The following LBP variants were observed in gnomAD, a reference collection of about 807,000 sequenced individuals.
LBP encodes the protein lipopolysaccharide-binding protein.
LBP carries 53 observed loss-of-function variants against 56.6 expected under a neutral mutation model. That is an observed-to-expected ratio of 0.94 (90% confidence interval 0.75 to 1.18). The LOEUF (loss-of-function observed/expected upper bound fraction) is 1.18. Among genes scored for constraint, LBP ranks in the 50% most tolerant of loss-of-function variants. LBP has a pLI of 0.00. For missense variants in LBP, 601 were observed against 598.3 expected, an observed-to-expected ratio of 1.00 and a Z score of -0.05; for synonymous variants, 227 against 247.5, an observed-to-expected ratio of 0.92 and a Z score of 0.78.
At chr20:38,359,619 CAAT>C (rs921646507) in intron 5 of LBP, among the ~76,000 whole-genome samples, 16 of 152,036 alleles carry the variant, frequency 1.1e-4, no homozygotes, top group African/African-American at 3.1e-4. Flanking sequence ...ACTCTTTTCT[CAAT>C]GATATTGCAT....
chr20:38,350,890 G>T lies in LBP; in HGVS notation c.319G>T (p.Asp107Tyr), dbSNP rs575135477. The change falls in exon 3 of 15, where the codon GAC becomes TAC. Residue 107 changes from aspartate (D) to tyrosine (Y), a missense_variant. Transcript: ENST00000217407. ...PGQGLSLSIS[D>Y]SSIRVQGRWK... The stretch of plus-strand genomic sequence containing the variant: ...CCAGGGCCTGAGTCTCAGCATCTCC[G>T]ACTCCTCCATCCGGGTCCAGGGCAG... The T allele has an allele frequency of 3.7e-6, 6 of 1,614,040 alleles. No individual in the cohort carries two copies. The highest frequency in any genetic ancestry group is 5.1e-6 in the Non-Finnish European group (6 of 1,179,946).
Position 38,366,753 on chromosome 20 carries a change from T to C in LBP, c.922-16T>C. The C allele has an allele frequency of 6.2e-7, 1 of 1,613,826 alleles. No individual in the cohort carries two copies. Among genetic ancestry groups the C allele is most frequent in the Non-Finnish European group, 8.5e-7 (1 of 1,179,826 alleles). Reference sequence around the variant, plus strand: ...GCGGGAGCACCCTAAAACTTCTTCATGTCTCTTTGCTGCAGATACCGCCTG... The same window carrying C: ...GCGGGAGCACCCTAAAACTTCTTCACGTCTCTTTGCTGCAGATACCGCCTG... On this transcript the variant is annotated splice_polypyrimidine_tract_variant and intron_variant, in intron 8 of 14. Coordinates refer to ENST00000217407, the MANE Select transcript of LBP (RefSeq NM_004139.5).
intron 9 of LBP, among the ~76,000 whole-genome samples, chr20:38,368,369 G>A (rs1440950215): frequency 6.6e-6 from 1 of 152,176 alleles, no homozygotes; most frequent in Admixed American, 6.5e-5. Context: ...GGAGGCTGAG[G>A]CGGGCAGATC....
chr20:38,348,135 C>A (rs1227490543), intron 1 of LBP, among the ~76,000 whole-genome samples: 1 of 152,146 alleles, frequency 6.6e-6, no homozygotes, highest in Non-Finnish European at 1.5e-5. Context: ...ATCTGTGTAC[C>A]CATGTCTGCC....
chr20:38,361,544 A>G (rs561743665), intron 6 of LBP, among the ~76,000 whole-genome samples: 3 of 151,966 alleles, frequency 2.0e-5, no homozygotes, highest in South Asian at 2.1e-4. Flanking sequence ...AGCTGGGACT[A>G]CAGGTGCATG....
intron 13 of LBP, 45 bp downstream of exon 13, chr20:38,373,180 T>C: frequency 6.6e-7 from 1 of 1,519,130 alleles, no homozygotes; most frequent in Non-Finnish European, 9.1e-7. Flanking sequence ...TGAACACTGC[T>C]GTCTGGAGGA....
rs1366942363 is a variant in LBP, at chr20:38,362,203, C to T, written c.652+1436C>T. Among the ~76,000 whole-genome samples the T allele has an allele frequency of 4.0e-5, 6 of 150,880 alleles. No individual in the cohort carries two copies. In the South Asian group the frequency reaches 6.3e-4, roughly 16 times the overall value. On this transcript the variant is annotated intron_variant, in intron 6 of 14. Coordinates refer to ENST00000217407, the MANE Select transcript of LBP (RefSeq NM_004139.5). ...CCTCGCGAGTAGCTGGGACTACAGG[C>T]GCCCGCCACCACGTCTGGCTAATTT...
intron 13 of LBP, 50 bp downstream of exon 13, chr20:38,373,185 G>T (rs1379323538): frequency 6.6e-7 from 1 of 1,504,062 alleles, no homozygotes; most frequent in African/African-American, 1.4e-5. Context: ...ACTGCTGTCT[G>T]GAGGAAAGAG....
chr20:38,356,980 C>G lies in LBP; in HGVS notation c.588+1571C>G, dbSNP rs150619238. ...AAGCAATTCTTCTGCCTCAGCCTCC[C>G]GAGTATATGAGACCACAGGCACGTG... On this transcript the variant is annotated intron_variant, in intron 5 of 14. Coordinates refer to ENST00000217407, the MANE Select transcript of LBP (RefSeq NM_004139.5). Among the ~76,000 whole-genome samples, 34 of 152,206 alleles carry G rather than the reference C, an allele frequency of 2.2e-4. No homozygotes were observed. In the South Asian group the frequency reaches 4.8e-3, roughly 21 times the overall value.
chr20:38,364,453 A>T (rs2076873393), intron 7 of LBP, 123 bp from the exon 8 acceptor site: 1 of 895,928 alleles, frequency 1.1e-6, no homozygotes, highest in Non-Finnish European at 1.8e-6. Flanking sequence ...CACTGCCTTT[A>T]ATGGTGGAGT....
intron 3 of LBP, among the ~76,000 whole-genome samples, chr20:38,353,528 A>G (rs941798910): frequency 2.6e-4 from 30 of 113,834 alleles, no homozygotes; most frequent in Admixed American, 1.4e-4. Context: ...ATGATGCTTC[A>G]GTGAGCTGCC....
At chr20:38,348,289 T>C (rs1220021868) in intron 1 of LBP, among the ~76,000 whole-genome samples, 1 of 152,042 alleles carries the variant, frequency 6.6e-6, no homozygotes, top group Admixed American at 6.6e-5. Context: ...ACCAGTCCTC[T>C]GAGGTTGGAC....
At chr20:38,368,906 A>G in intron 9 of LBP, 89 bp from the exon 10 acceptor site, 1 of 1,354,634 alleles carries the variant, frequency 7.4e-7, no homozygotes, top group Non-Finnish European at 1.0e-6. Context: ...ATCGAAAGCA[A>G]CTTCCAGCTT....
chr20:38,375,565 A>AG (rs1568837868), intron 14 of LBP, among the ~76,000 whole-genome samples: 1 of 152,248 alleles, frequency 6.6e-6, no homozygotes, highest in Admixed American at 6.5e-5. Context: ...TGGGCGACAG[A>AG]GCAAGACTCC....
intron 14 of LBP, 64 bp from the exon 15 acceptor site, chr20:38,376,561 G>A (rs1002933330): frequency 2.1e-5 from 31 of 1,451,424 alleles, no homozygotes; most frequent in Admixed American, 3.4e-5. Context: ...CCTTTCAATC[G>A]CAGATGCATC....
At chr20:38,366,452 G>T (rs189426183) in intron 8 of LBP, among the ~76,000 whole-genome samples, 1 of 152,292 alleles carries the variant, frequency 6.6e-6, no homozygotes, top group African/African-American at 2.4e-5. Flanking sequence ...GGAAGTTGAG[G>T]TTCAGGGAGA....
At chr20:38,361,859 C>T (rs769977468) in intron 6 of LBP, among the ~76,000 whole-genome samples, 4 of 151,826 alleles carry the variant, frequency 2.6e-5, no homozygotes, top group Non-Finnish European at 5.9e-5. Context: ...GTGTCCCCCT[C>T]GGTCACTGCC....
chr20:38,364,704 G>T lies in LBP; in HGVS notation c.873G>T (p.Leu291=). The part of the protein sequence containing the change: ...ISDYVFNTAS[L]VYHEEGYLNF... ...ATTATGTCTTCAACACGGCCAGCCT[G>T]GTTTATCATGAGGAAGGATATCTGA... The change falls in exon 8 of 15, where the codon CTG becomes CTT. Residue 291 remains leucine (L), a synonymous_variant. Transcript: ENST00000217407. 6.2e-7 allele frequency: 1 copy of T among 1,613,874 alleles called. No individual in the cohort carries two copies. Among genetic ancestry groups the T allele is most frequent in the East Asian group, 2.2e-5 (1 of 44,870 alleles).
Position 38,371,371 on chromosome 20 carries a change from G to A in LBP, c.1260+49G>A, listed in dbSNP as rs575367461. ...TGATTAGAATGTTAATTAATTTGGGGTGTTTCCTAAGCAATTGCTATGGCA... is the reference window on the plus strand; with the variant it reads ...TGATTAGAATGTTAATTAATTTGGGATGTTTCCTAAGCAATTGCTATGGCA... On this transcript the variant is annotated intron_variant, in intron 12 of 14. Coordinates refer to ENST00000217407, the MANE Select transcript of LBP (RefSeq NM_004139.5). The A allele has an allele frequency of 3.3e-5, 46 of 1,413,316 alleles. No homozygotes were observed. The Middle Eastern group carries it at 1.2e-3, about 38-fold the overall frequency. 87.5% of individuals were successfully genotyped at this position (1,413,316 alleles called of 1,614,324 possible).
Sources: allele counts gnomAD v4.1 joint callset (sites outside exome capture counted in the v4.1 genomes callset), GRCh38; gene constraint gnomAD v4.1.1; transcripts MANE v1.5; gene names NCBI Gene and HGNC (gene_info 2026-07-23, HGNC 2026-07-21).